VSIG10: variants seen among roughly 807,000 people sequenced by gnomAD.
VSIG10 encodes V-set and immunoglobulin domain-containing protein 10.
A neutral mutation model predicts 58.7 loss-of-function variants in VSIG10; 48 were observed. The observed-to-expected ratio is 0.82, with a 90% confidence interval of 0.65 to 1.04. VSIG10 has a LOEUF of 1.04. Ranked by LOEUF, VSIG10 falls within the 50% of genes least tolerant of loss-of-function variation. The pLI, the probability that VSIG10 is intolerant of heterozygous loss-of-function variation, is 0.00. For missense variants in VSIG10, 628 were observed against 670.0 expected (o/e 0.94, Z 0.69); for synonymous variants, 260 against 267.1 (o/e 0.97, Z 0.26).
intron 5 of VSIG10, among the ~76,000 whole-genome samples, chr12:118,072,025 C>G (rs1019157413): frequency 6.8e-6 from 1 of 147,928 alleles, no homozygotes; most frequent in Non-Finnish European, 1.5e-5. Flanking sequence ...CAAAATTAGC[C>G]AGGTGTGGTG....
chr12:118,091,931 G>A (rs572407037), intron 2 of VSIG10, among the ~76,000 whole-genome samples: 63 of 152,088 alleles, frequency 4.1e-4, no homozygotes, highest in African/African-American at 1.4e-3. Context: ...CTAATTTCTT[G>A]TATTTTTTGT....
At chr12:118,068,273 G>A in intron 8 of VSIG10, 104 bp downstream of exon 8, 1 of 1,003,116 alleles carries the variant, frequency 1.0e-6, no homozygotes, top group South Asian at 1.7e-5. Context: ...GGGCTTAAGT[G>A]ATCTTCCCAC....
At chr12:118,068,197 T>TC (rs1254529478) in intron 8 of VSIG10, among the ~76,000 whole-genome samples, 180 bp downstream of exon 8, 3 of 141,926 alleles carry the variant, frequency 2.1e-5, no homozygotes, top group African/African-American at 5.2e-5. Context: ...AATTTTTCTT[T>TC]TTTTTTTTTT....
At chr12:118,081,411 T>C (rs918821629) in intron 3 of VSIG10, among the ~76,000 whole-genome samples, 10 of 151,972 alleles carry the variant, frequency 6.6e-5, no homozygotes, top group Non-Finnish European at 1.5e-4. Context: ...CTGCAACCTC[T>C]GCGTCCCAAG....
At chr12:118,093,719 A>G (rs368798064) in intron 2 of VSIG10, among the ~76,000 whole-genome samples, 160 of 151,884 alleles carry the variant, frequency 1.1e-3, no homozygotes, top group Non-Finnish European at 1.6e-3. Flanking sequence ...GACCAGCCTG[A>G]GCAACATGGT....
intron 2 of VSIG10, among the ~76,000 whole-genome samples, chr12:118,088,240 GAA>G (rs61475209): frequency 9.7e-5 from 9 of 93,014 alleles, no homozygotes; most frequent in Admixed American, 1.2e-4. Context: ...CTGTGTCTCA[GAA>G]AAAAAAAAAA....
intron 1 of VSIG10, among the ~76,000 whole-genome samples, chr12:118,097,554 G>A (rs1447659925): frequency 6.6e-6 from 1 of 152,114 alleles, no homozygotes; most frequent in African/African-American, 2.4e-5. Context: ...GGTAGAGGTT[G>A]CAGTGAGCCA....
intron 7 of VSIG10, among the ~76,000 whole-genome samples, chr12:118,069,706 C>T (rs1390763264): frequency 2.6e-5 from 4 of 151,858 alleles, no homozygotes; most frequent in South Asian, 2.1e-4. Context: ...GGATTACAGG[C>T]GTGAGCCACT....
At position 118,103,672 on chromosome 12, in the gene VSIG10, C is replaced by A. The variant is rs1403407576; in HGVS notation, c.-1G>T. 1.3e-6 allele frequency: 2 copies of A among 1,492,922 alleles called. No individual in the cohort carries two copies. Among genetic ancestry groups the A allele is most frequent in the Non-Finnish European group, 1.8e-6 (2 of 1,126,338 alleles). The allele number at this position is 1,492,922 out of a possible 1,614,324, so 92.5% of individuals were successfully genotyped here. ...CGGGCGCACTGCCGCCTGCGGCCATCTCGCCCCAGATCCCGGCTCAGGAAA... is the reference window on the plus strand; with the variant it reads ...CGGGCGCACTGCCGCCTGCGGCCATATCGCCCCAGATCCCGGCTCAGGAAA... On this transcript the variant is annotated 5_prime_UTR_variant, in exon 1 of 9. Coordinates refer to ENST00000359236, the MANE Select transcript of VSIG10 (RefSeq NM_019086.6).
intron 4 of VSIG10, 21 bp downstream of exon 4, chr12:118,079,325 G>A: frequency 6.2e-7 from 1 of 1,609,668 alleles, no homozygotes; most frequent in Non-Finnish European, 8.5e-7. Flanking sequence ...CCAACCCCAA[G>A]ACAAAGCAAA....
chr12:118,077,395 A>G (rs910479748), intron 4 of VSIG10, among the ~76,000 whole-genome samples: 5 of 152,072 alleles, frequency 3.3e-5, no homozygotes, highest in African/African-American at 1.2e-4. Context: ...TTTTATATAT[A>G]CCATTTTATT....
At chr12:118,077,645 T>C (rs557650965) in intron 4 of VSIG10, among the ~76,000 whole-genome samples, 6 of 152,226 alleles carry the variant, frequency 3.9e-5, no homozygotes, top group Non-Finnish European at 5.9e-5. Context: ...AGGGATCCCA[T>C]GTAACTCCTG....
chr12:118,080,440 G>A (rs1052078078), intron 3 of VSIG10, among the ~76,000 whole-genome samples: 3 of 152,002 alleles, frequency 2.0e-5, no homozygotes, highest in African/African-American at 7.3e-5. Flanking sequence ...AATTATAGAC[G>A]TGAGCCACCG....
chr12:118,071,234 C>T, intron 6 of VSIG10, 125 bp downstream of exon 6: 1 of 1,208,850 alleles, frequency 8.3e-7, no homozygotes, highest in Admixed American at 2.0e-5. Flanking sequence ...TACTGTGTAT[C>T]TTGACCCAGC....
In VSIG10 at chr12:118,064,457, C is replaced by G. The variant is rs1200451715; in HGVS notation, c.*2182G>C. ...CTAGGGTTTTTTTTTTTTTTCACCTCAACAGTTTTTGTGTTTTCTTTTTTT... is the reference window on the plus strand; with the variant it reads ...CTAGGGTTTTTTTTTTTTTTCACCTGAACAGTTTTTGTGTTTTCTTTTTTT... On this transcript the variant is annotated 3_prime_UTR_variant, in exon 9 of 9. Transcript: ENST00000359236. 1 of 146,004 alleles carries G rather than the reference C, an allele frequency of 6.8e-6. No individual in the cohort carries two copies. The highest frequency in any genetic ancestry group is 2.6e-5 in the African/African-American group (1 of 39,018). The allele number at this position is 146,004 out of a possible 1,614,324, so 9.0% of individuals were successfully genotyped here. A position where few individuals can be genotyped will look rare whatever the true frequency, so the allele number is the denominator to read the frequency against.
intron 1 of VSIG10, among the ~76,000 whole-genome samples, chr12:118,101,350 G>A (rs1376201351): frequency 6.6e-6 from 1 of 152,170 alleles, no homozygotes; most frequent in Non-Finnish European, 1.5e-5. Flanking sequence ...TTGAGATTTA[G>A]GAAGATTAAG....
At chr12:118,095,897 A>AT (rs1443551947) in intron 1 of VSIG10, 83 bp from the exon 2 acceptor site, 12 of 1,027,126 alleles carry the variant, frequency 1.2e-5, no homozygotes, top group African/African-American at 6.7e-5. Context: ...CTGTATTAGG[A>AT]TTTTTTTAAA....
rs540093380 is a variant in VSIG10, at chr12:118,065,112, G to A, written c.*1527C>T. The A allele has an allele frequency of 6.6e-6, 1 of 152,324 alleles. No homozygotes were observed. The highest frequency in any genetic ancestry group is 2.1e-4 in the South Asian group (1 of 4,828). The allele number at this position is 152,324 out of a possible 1,614,324, so 9.4% of individuals were successfully genotyped here. A position where few individuals can be genotyped will look rare whatever the true frequency, so the allele number is the denominator to read the frequency against. On this transcript the variant is annotated 3_prime_UTR_variant, in exon 9 of 9. Transcript: ENST00000359236. ...ATCAGCAGGCTAAACTCATCACATG[G>A]TATTTTCATTCCAAATTTAGTGTTA...
chr12:118,089,500 C>T (rs1169415688), intron 2 of VSIG10, among the ~76,000 whole-genome samples: 2 of 152,152 alleles, frequency 1.3e-5, no homozygotes, highest in Admixed American at 6.6e-5. Context: ...GGACAGGAAG[C>T]GATGACTAAT....
Sources: gnomAD v4.1 joint callset for allele counts (sites outside exome capture counted in the v4.1 genomes callset) on GRCh38, gnomAD v4.1.1 for gene constraint, MANE v1.5 for transcripts, NCBI Gene and HGNC (gene_info 2026-07-23, HGNC 2026-07-21) for gene names.